Variants in ATOSA observed in about 807,000 individuals in gnomAD.
The protein encoded by ATOSA is atos homolog A.
chr15:52,647,180 G>A, the ATOSA span, among the ~76,000 whole-genome samples: 1 of 152,034 alleles, frequency 6.6e-6, no homozygotes, highest in African/African-American at 2.4e-5. Context: ...ACATTTGTGT[G>A]TTCTCTTTCA....
At chr15:52,647,218 T>C in the ATOSA span, among the ~76,000 whole-genome samples, 25 of 141,988 alleles carry the variant, frequency 1.8e-4, no homozygotes, top group East Asian at 3.8e-3. Flanking sequence ...TTCCAGCAAA[T>C]TGGAGGGCTA....
At chr15:52,591,934 G>T in the ATOSA span, among the ~76,000 whole-genome samples, 4 of 152,114 alleles carry the variant, frequency 2.6e-5, no homozygotes, top group Non-Finnish European at 5.9e-5. Flanking sequence ...GTTGGGAAAA[G>T]AAAACTTTGA....
At chr15:52,699,452 C>A in the ATOSA span, among the ~76,000 whole-genome samples, 2 of 151,524 alleles carry the variant, frequency 1.3e-5, no homozygotes, top group Non-Finnish European at 2.9e-5. Context: ...TTAATCCTAT[C>A]TTGTGCACAA....
At chr15:52,659,438 T>C in the ATOSA span, among the ~76,000 whole-genome samples, 2 of 152,214 alleles carry the variant, frequency 1.3e-5, no homozygotes, top group African/African-American at 4.8e-5. Flanking sequence ...AGAATTCCTA[T>C]CACTTTGAAA....
the ATOSA span, among the ~76,000 whole-genome samples, chr15:52,641,254 T>C: frequency 6.6e-6 from 1 of 152,220 alleles, no homozygotes; most frequent in Non-Finnish European, 1.5e-5. Context: ...TAAAAAATGG[T>C]ATGAATTAAC....
chr15:52,674,359 C>G, the ATOSA span, among the ~76,000 whole-genome samples: 1 of 152,120 alleles, frequency 6.6e-6, no homozygotes, highest in African/African-American at 2.4e-5. Context: ...CCGTGGACCA[C>G]ACCTTAGACT....
chr15:52,690,560 A>T, the ATOSA span, among the ~76,000 whole-genome samples: 8 of 152,266 alleles, frequency 5.3e-5, no homozygotes, highest in Non-Finnish European at 1.0e-4. Context: ...AACAAAGTGA[A>T]CAACAGAAAG....
At chr15:52,611,830 G>T in the ATOSA span, 1 of 1,520,172 alleles carries the variant, frequency 6.6e-7, no homozygotes, top group Non-Finnish European at 9.1e-7. Context: ...CTAATTTTGT[G>T]TTTAAAATAG....
the ATOSA span, among the ~76,000 whole-genome samples, chr15:52,672,630 ATTC>A: frequency 1.3e-5 from 2 of 152,286 alleles, no homozygotes; most frequent in Admixed American, 1.3e-4. Flanking sequence ...GAATATAAAT[ATTC>A]TTTAACAACT....
At chr15:52,620,810 T>C in the ATOSA span, among the ~76,000 whole-genome samples, 188 of 152,228 alleles carry the variant, frequency 1.2e-3, no homozygotes, top group African/African-American at 4.3e-3. Flanking sequence ...TGGTGGCATG[T>C]GCCTGCAGTC....
chr15:52,597,303 T>C, the ATOSA span, among the ~76,000 whole-genome samples: 1 of 152,220 alleles, frequency 6.6e-6, no homozygotes, highest in Non-Finnish European at 1.5e-5. Flanking sequence ...TGAAAATTTA[T>C]GTCCACATAA....
the ATOSA span, among the ~76,000 whole-genome samples, chr15:52,652,454 A>G: frequency 6.6e-6 from 1 of 152,194 alleles, no homozygotes; most frequent in Non-Finnish European, 1.5e-5. Flanking sequence ...AAATACAAAA[A>G]TTTACAACAA....
chr15:52,635,000 T>A, the ATOSA span, among the ~76,000 whole-genome samples: 13 of 152,336 alleles, frequency 8.5e-5, 1 homozygote, highest in Non-Finnish European at 1.8e-4. Flanking sequence ...CTGGAATGGT[T>A]ATATTAATAC....
At chr15:52,584,198 C>G in the ATOSA span, among the ~76,000 whole-genome samples, 1 of 142,974 alleles carries the variant, frequency 7.0e-6, no homozygotes, top group Non-Finnish European at 1.5e-5. Context: ...AGGCTGGAGT[C>G]CAATGGTGTG....
At chr15:52,648,406 T>C in the ATOSA span, among the ~76,000 whole-genome samples, 1 of 152,180 alleles carries the variant, frequency 6.6e-6, no homozygotes, top group Non-Finnish European at 1.5e-5. Context: ...ATATGATGTG[T>C]AATGATCAAA....
At chr15:52,626,625 C>T in the ATOSA span, among the ~76,000 whole-genome samples, 1 of 151,520 alleles carries the variant, frequency 6.6e-6, no homozygotes, top group Non-Finnish European at 1.5e-5. Flanking sequence ...GGAAATTGGA[C>T]TTCAGAGAGG....
the ATOSA span, among the ~76,000 whole-genome samples, chr15:52,689,236 T>G: frequency 6.6e-6 from 1 of 152,150 alleles, no homozygotes; most frequent in Non-Finnish European, 1.5e-5. Flanking sequence ...CAGCCACATA[T>G]GAAAAACTAA....
chr15:52,614,933 C>T, the ATOSA span, among the ~76,000 whole-genome samples: 1 of 152,100 alleles, frequency 6.6e-6, no homozygotes, highest in South Asian at 2.1e-4. Context: ...GTTAAAATGT[C>T]TTATGTCATA....
chr15:52,657,932 AG>A, the ATOSA span: 1 of 152,172 alleles, frequency 6.6e-6, no homozygotes, highest in Non-Finnish European at 1.5e-5. Context: ...GTTTTTGGGC[AG>A]GGGTCGATAG....
Sources: allele counts gnomAD v4.1 joint callset (sites outside exome capture counted in the v4.1 genomes callset), GRCh38; gene constraint gnomAD v4.1.1; transcripts MANE v1.5; gene names NCBI Gene and HGNC (gene_info 2026-07-23, HGNC 2026-07-21).